Variants in SPOCK2 observed in about 807,000 individuals in gnomAD.
SPOCK2 encodes SPARC (osteonectin), cwcv and kazal like domains proteoglycan 2, also known as testican-2.
A neutral mutation model predicts 60.1 loss-of-function variants in SPOCK2; 39 were observed. The ratio of observed to expected loss-of-function variants is 0.65; its 90% CI spans 0.50 to 0.85. The LOEUF is 0.85. Among genes scored for constraint, SPOCK2 ranks in the 40% least tolerant of loss-of-function variants. SPOCK2 has a pLI of 0.00. For missense variants in SPOCK2, 523 were observed against 567.4 expected, an observed-to-expected ratio of 0.92 and a Z score of 0.80; for synonymous variants, 217 against 231.5, an observed-to-expected ratio of 0.94 and a Z score of 0.57.
chr10:72,065,960 G>A (rs542384412), intron 8 of SPOCK2, among the ~76,000 whole-genome samples: 15 of 152,216 alleles, frequency 9.9e-5, no homozygotes, highest in African/African-American at 3.4e-4. Flanking sequence ...CGTATGGTGG[G>A]GCCCGGGCTG....
At chr10:72,067,327 C>T (rs868018605) in intron 7 of SPOCK2, among the ~76,000 whole-genome samples, 4 of 152,200 alleles carry the variant, frequency 2.6e-5, no homozygotes, top group South Asian at 2.1e-4. Context: ...ATTCAAAACC[C>T]GTTCTGAAAG....
At chr10:72,085,944 C>A (rs375465944) in intron 1 of SPOCK2, among the ~76,000 whole-genome samples, 126 of 152,282 alleles carry the variant, frequency 8.3e-4, no homozygotes, top group African/African-American at 2.7e-3. Flanking sequence ...TCAGGGGGCA[C>A]CATTTCTATT....
Position 72,074,101 on chromosome 10 carries a change from G to A in SPOCK2, c.190-1191C>T, listed in dbSNP as rs1394799553. ...AGCCCAAAGGAGCAGAGATGTGTAG[G>A]GGTGAGCAGAGCTGTCAGGTCTGGG... On this transcript the variant is annotated intron_variant, in intron 1 of 10. Coordinates refer to ENST00000373109, the MANE Select transcript of SPOCK2 (RefSeq NM_001244950.2). 2.0e-5 allele frequency among the ~76,000 whole-genome samples: 3 copies of A among 152,210 alleles called. 1 individual carries two copies. The East Asian group carries it at 5.8e-4, about 29-fold the overall frequency.
intron 1 of SPOCK2, among the ~76,000 whole-genome samples, chr10:72,083,774 ATTGTTG>A (rs753097468): frequency 6.6e-6 from 1 of 151,964 alleles, no homozygotes; most frequent in Non-Finnish European, 1.5e-5. Context: ...TCAAACCCCA[ATTGTTG>A]TTGTTGTTGT....
intron 9 of SPOCK2, 77 bp downstream of exon 9, chr10:72,064,101 C>T: frequency 6.4e-7 from 1 of 1,555,722 alleles, no homozygotes; most frequent in Non-Finnish European, 8.7e-7. Flanking sequence ...AGGCCCAAGG[C>T]TGGAGGCCCT....
chr10:72,076,441 G>A lies in SPOCK2; in HGVS notation c.190-3531C>T, dbSNP rs1427486958. Among the ~76,000 whole-genome samples, 7 of 152,206 alleles carry A rather than the reference G, an allele frequency of 4.6e-5. No individual in the cohort carries two copies. The East Asian group carries it at 9.6e-4, about 21-fold the overall frequency. On this transcript the variant is annotated intron_variant, in intron 1 of 10. Coordinates refer to ENST00000373109, the MANE Select transcript of SPOCK2 (RefSeq NM_001244950.2). Reference sequence around the variant, plus strand: ...GGGCTTCTCAGGAAACAGAGGCCCCGTTCTACACCTGAGAGTGGTGGCAGG... The same window carrying A: ...GGGCTTCTCAGGAAACAGAGGCCCCATTCTACACCTGAGAGTGGTGGCAGG...
At chr10:72,064,346 AAC>A (rs1238635494) in intron 8 of SPOCK2, 106 bp from the exon 9 acceptor site, 1 of 1,268,250 alleles carries the variant, frequency 7.9e-7, no homozygotes, top group South Asian at 1.6e-5. Context: ...GCAAGATGAA[AAC>A]ACCCCGTTTC....
At chr10:72,081,119 A>G (rs1825585768) in intron 1 of SPOCK2, among the ~76,000 whole-genome samples, 1 of 152,176 alleles carries the variant, frequency 6.6e-6, no homozygotes, top group African/African-American at 2.4e-5. Context: ...GCCGTGGTGC[A>G]GGGGAAGAGC....
chr10:72,065,000 G>A lies in SPOCK2; in HGVS notation c.929-760C>T, dbSNP rs1327405923. 2.4e-5 allele frequency among the ~76,000 whole-genome samples: 3 copies of A among 126,722 alleles called. 1 individual carries two copies. Among genetic ancestry groups the A allele is most frequent in the African/African-American group, 7.7e-5 (3 of 38,942 alleles). The allele number at this position is 126,722 out of a possible 152,430, so 83.1% of individuals were successfully genotyped here. ...CCGCCTCAGCCCCGCAAAGTGCTGG[G>A]ATTACAGGCATGAGCCACCGCGCCC... On this transcript the variant is annotated intron_variant, in intron 8 of 10. Coordinates refer to ENST00000373109, the MANE Select transcript of SPOCK2 (RefSeq NM_001244950.2).
intron 1 of SPOCK2, 55 bp downstream of exon 1, chr10:72,088,085 T>TCAATCCCCGAACCC: frequency 1.3e-6 from 2 of 1,595,192 alleles, no homozygotes; most frequent in Non-Finnish European, 1.7e-6. Flanking sequence ...ACCCCGGAGC[T>TCAATCCCCGAACCC]CAATCCCCGA....
chr10:72,068,137 C>G, intron 6 of SPOCK2, 50 bp downstream of exon 6: 3 of 1,560,904 alleles, frequency 1.9e-6, no homozygotes, highest in Non-Finnish European at 2.6e-6. Flanking sequence ...GAAGGAGGTG[C>G]CAGGTGGCCC....
At chr10:72,082,433 C>A (rs905249461) in intron 1 of SPOCK2, among the ~76,000 whole-genome samples, 2 of 152,098 alleles carry the variant, frequency 1.3e-5, no homozygotes, top group African/African-American at 4.8e-5. Flanking sequence ...TATCTGTGTC[C>A]CCCCCAGACC....
intron 1 of SPOCK2, chr10:72,086,967 G>T: frequency 1.3e-6 from 2 of 1,551,688 alleles, no homozygotes; most frequent in Non-Finnish European, 1.7e-6. Context: ...GGCCTGCGTT[G>T]TACTGGGTGG....
In SPOCK2 at chr10:72,088,489, C is replaced by T; in HGVS notation, c.-161G>A. 1.2e-6 allele frequency: 1 copy of T among 805,610 alleles called. No individual in the cohort carries two copies. The highest frequency in any genetic ancestry group is 1.9e-6 in the Non-Finnish European group (1 of 527,966). 49.9% of individuals were successfully genotyped at this position (805,610 alleles called of 1,614,324 possible). A position where few individuals can be genotyped will look rare whatever the true frequency, so the allele number is the denominator to read the frequency against. On this transcript the variant is annotated 5_prime_UTR_variant, in exon 1 of 11. Coordinates refer to ENST00000373109, the MANE Select transcript of SPOCK2 (RefSeq NM_001244950.2). ...GAGTGGGTCGCGGCTGAAATGTGACCTGGTTAGGAGATGCACTTGTCTGAA... is the reference window on the plus strand; with the variant it reads ...GAGTGGGTCGCGGCTGAAATGTGACTTGGTTAGGAGATGCACTTGTCTGAA...
At position 72,067,112 on chromosome 10, in the gene SPOCK2, T is replaced by C. The variant is rs764159280; in HGVS notation, c.718A>G (p.Lys240Glu). The change falls in exon 8 of 11, where the codon AAG (lysine) becomes GAG (glutamate). Residue 240 changes from lysine (K) to glutamate (E), a missense_variant. Coordinates refer to ENST00000373109, the MANE Select transcript of SPOCK2 (RefSeq NM_001244950.2). Reference protein sequence around the residue: ...SVAGPASGLDKSLGASCKDSI... With the variant: ...SVAGPASGLDESLGASCKDSI... Reference sequence around the variant, plus strand: ...TCCTTGCAGCTGGCCCCCAGGCTCTTGTCCAGCCCTGGGAAAAGATCAGGT... The same window carrying C: ...TCCTTGCAGCTGGCCCCCAGGCTCTCGTCCAGCCCTGGGAAAAGATCAGGT... 6.2e-7 allele frequency: 1 copy of C among 1,613,572 alleles called. No individual in the cohort carries two copies. The highest frequency in any genetic ancestry group is 1.7e-5 in the Admixed American group (1 of 59,968).
At chr10:72,083,456 G>A (rs891581453) in intron 1 of SPOCK2, among the ~76,000 whole-genome samples, 11 of 152,382 alleles carry the variant, frequency 7.2e-5, no homozygotes, top group African/African-American at 2.6e-4. Context: ...TCACTGGGAA[G>A]ATGAGCAGAG....
Position 72,062,272 on chromosome 10 carries a change from G to C in SPOCK2, c.*488C>G, listed in dbSNP as rs1479766224. 1 of 156,950 alleles carries C rather than the reference G, an allele frequency of 6.4e-6. No homozygotes were observed. The highest frequency in any genetic ancestry group is 1.4e-5 in the Non-Finnish European group (1 of 71,610). The allele number at this position is 156,950 out of a possible 1,614,324, so 9.7% of individuals were successfully genotyped here. On this transcript the variant is annotated 3_prime_UTR_variant, in exon 11 of 11. Transcript: ENST00000373109. This position sits in a 1 kb window ranked among gnomAD's most constrained non-coding sequence, Gnocchi z 4.3. ...AGAGCTTGACCTCAGAAGCAAGAGG[G>C]AGAAGGGCAGACAGGGGTCGGTTGA...
At chr10:72,079,409 C>G (rs921055571) in intron 1 of SPOCK2, among the ~76,000 whole-genome samples, 4 of 152,150 alleles carry the variant, frequency 2.6e-5, no homozygotes, top group Non-Finnish European at 5.9e-5. Flanking sequence ...GGCCCCCGTT[C>G]TCCAGGCATT....
intron 8 of SPOCK2, among the ~76,000 whole-genome samples, chr10:72,065,716 G>C (rs1840558952): frequency 6.6e-6 from 1 of 152,244 alleles, no homozygotes; most frequent in Admixed American, 6.5e-5. Flanking sequence ...CAAAGGCCCA[G>C]AAAGTCAAAG....
Sources: allele counts gnomAD v4.1 joint callset (sites outside exome capture counted in the v4.1 genomes callset), GRCh38; gene constraint gnomAD v4.1.1; non-coding constraint Gnocchi (gnomAD v3.1); transcripts MANE v1.5; gene names NCBI Gene and HGNC (gene_info 2026-07-23, HGNC 2026-07-21).